Variants in WIPF2 observed in about 807,000 individuals in gnomAD.
WIPF2 encodes the protein WAS/WASL-interacting protein family member 2.
In WIPF2, 23 loss-of-function variants were observed where a neutral mutation model predicts 38.8. The ratio of observed to expected loss-of-function variants is 0.59; its 90% confidence interval spans 0.43 to 0.84. WIPF2 has a LOEUF of 0.84. Ranked by LOEUF, WIPF2 falls within the 40% of genes least tolerant of loss-of-function variation. The probability of loss-of-function intolerance (pLI) is 0.00; values close to 1 mark genes in which losing one functional copy is unlikely to be tolerated. For synonymous variants in WIPF2, 210 were observed against 223.2 expected, an observed-to-expected ratio of 0.94 and a Z score of 0.53; for missense variants, 574 against 580.5, an observed-to-expected ratio of 0.99 and a Z score of 0.11.
chr17:40,261,687 T>G (rs200173556), intron 3 of WIPF2, among the ~76,000 whole-genome samples: 4 of 140,980 alleles, frequency 2.8e-5, no homozygotes, highest in African/African-American at 5.6e-5. Flanking sequence ...TTTTGGTTTT[T>G]TTTGTTTTTT....
chr17:40,239,021 C>T (rs1473685420), intron 1 of WIPF2, among the ~76,000 whole-genome samples: 1 of 151,758 alleles, frequency 6.6e-6, no homozygotes, highest in Non-Finnish European at 1.5e-5. Flanking sequence ...GCTCATGCCA[C>T]TGTGTCTGGC....
At position 40,237,896 on chromosome 17, in the gene WIPF2, C is replaced by CAA. The variant is rs758183706; in HGVS notation, c.-70+18423_-70+18424dup. On this transcript the variant is annotated intron_variant, in intron 1 of 7. Transcript: ENST00000323571. The stretch of plus-strand genomic sequence containing the variant: ...CCTAACCCTGTCTCTACTAAAATAC[C>CAA]AAAAAAAAAAAAAAAAAAAATTAGC... Among the ~76,000 whole-genome samples the CAA allele has an allele frequency of 1.9e-3, 203 of 105,962 alleles. 3 individuals carry two copies. Among genetic ancestry groups the CAA allele is most frequent in the East Asian group, 2.6e-3 (10 of 3,868 alleles). The allele number at this position is 105,962 out of a possible 152,430, so 69.5% of individuals were successfully genotyped here.
chr17:40,230,325 G>A (rs1380963026), intron 1 of WIPF2, among the ~76,000 whole-genome samples: 1 of 152,120 alleles, frequency 6.6e-6, no homozygotes, highest in African/African-American at 2.4e-5. Flanking sequence ...CGGAGACAGA[G>A]TGAGACCCTG....
At chr17:40,245,919 G>A (rs2031346267) in intron 1 of WIPF2, among the ~76,000 whole-genome samples, 1 of 152,092 alleles carries the variant, frequency 6.6e-6, no homozygotes, top group South Asian at 2.1e-4. Flanking sequence ...AGTGCATTCA[G>A]CATATTAAAA....
At chr17:40,245,673 G>C (rs2031339826) in intron 1 of WIPF2, among the ~76,000 whole-genome samples, 1 of 152,102 alleles carries the variant, frequency 6.6e-6, no homozygotes, top group Non-Finnish European at 1.5e-5. Context: ...GTGGGCGGCT[G>C]TCTTATGCGT....
At chr17:40,233,559 A>G (rs113159813) in intron 1 of WIPF2, among the ~76,000 whole-genome samples, 6 of 151,956 alleles carry the variant, frequency 3.9e-5, no homozygotes, top group African/African-American at 1.5e-4. Flanking sequence ...CTTGGGCTCA[A>G]GCAGTCCTCC....
chr17:40,234,063 C>T (rs2030855721), intron 1 of WIPF2, among the ~76,000 whole-genome samples: 1 of 151,178 alleles, frequency 6.6e-6, no homozygotes, highest in African/African-American at 2.4e-5. Flanking sequence ...AACTCCATCT[C>T]AAAAAATAAT....
chr17:40,228,021 T>G (rs1378239004), intron 1 of WIPF2, among the ~76,000 whole-genome samples: 1 of 122,376 alleles, frequency 8.2e-6, no homozygotes, highest in Non-Finnish European at 1.7e-5. Flanking sequence ...TTTTTTTTTT[T>G]TTTTTTTTTT....
At chr17:40,270,092 G>A (rs760474554) in intron 5 of WIPF2, among the ~76,000 whole-genome samples, 100 of 151,782 alleles carry the variant, frequency 6.6e-4, no homozygotes, top group Non-Finnish European at 1.2e-3. Flanking sequence ...GGGGCCGGGT[G>A]CGGTGGCTCA....
intron 1 of WIPF2, chr17:40,220,609 A>ATATATATATG (rs1181786600): frequency 2.3e-5 from 2 of 85,388 alleles, no homozygotes; most frequent in Non-Finnish European, 4.4e-5. Context: ...ATATATATAT[A>ATATATATATG]TATATATATG....
At chr17:40,223,823 G>T (rs2030357516) in intron 1 of WIPF2, among the ~76,000 whole-genome samples, 1 of 151,976 alleles carries the variant, frequency 6.6e-6, no homozygotes, top group African/African-American at 2.4e-5. Flanking sequence ...CTGACCTTGT[G>T]ATCTGCCAGT....
At chr17:40,222,654 GTTT>G (rs58758484) in intron 1 of WIPF2, among the ~76,000 whole-genome samples, 72 of 52,772 alleles carry the variant, frequency 1.4e-3, no homozygotes, top group African/African-American at 3.1e-3. Context: ...TGCATATTCA[GTTT>G]TTTTTTTTTT....
rs1384860948 is a variant in WIPF2, at chr17:40,282,454, C to CGCACGCGTGTGCGTGT, written c.*4231_*4246dup. On this transcript the variant is annotated 3_prime_UTR_variant, in exon 8 of 8. Transcript: ENST00000323571. ...ATGACTAGAATGACACGTGTGCGTGCGCACGCGTGTGCGTGTGTGTGTTCA... is the reference window on the plus strand; with the variant it reads ...ATGACTAGAATGACACGTGTGCGTGCGCACGCGTGTGCGTGTGCACGCGTGTGCGTGTGTGTGTTCA... 3.3e-5 allele frequency: 5 copies of CGCACGCGTGTGCGTGT among 151,768 alleles called. No homozygotes were observed. Among genetic ancestry groups the CGCACGCGTGTGCGTGT allele is most frequent in the Non-Finnish European group, 5.9e-5 (4 of 68,036 alleles). 9.4% of individuals were successfully genotyped at this position (151,768 alleles called of 1,614,324 possible).
intron 1 of WIPF2, among the ~76,000 whole-genome samples, chr17:40,249,477 T>G (rs1454578909): frequency 6.6e-6 from 1 of 152,032 alleles, no homozygotes; most frequent in East Asian, 1.9e-4. Flanking sequence ...GAGATGGCTC[T>G]TCGCTCTTGT....
intron 1 of WIPF2, among the ~76,000 whole-genome samples, chr17:40,226,342 T>TA (rs2030486983): frequency 1.3e-5 from 2 of 151,894 alleles, no homozygotes; most frequent in African/African-American, 4.8e-5. Context: ...TAGCTGGGAT[T>TA]ACAGGCGCAC....
At chr17:40,277,739 T>TTTTTTTTTTTTTTTTTTTTTTTTTTG (rs1214706671) in intron 7 of WIPF2, among the ~76,000 whole-genome samples, 1 of 147,338 alleles carries the variant, frequency 6.8e-6, no homozygotes, top group African/African-American at 2.6e-5. Flanking sequence ...TTTTTTTTTT[T>TTTTTTTTTTTTTTTTTTTTTTTTTTG]TTTGAGATAG....
chr17:40,223,382 A>T (rs2030334607), intron 1 of WIPF2, among the ~76,000 whole-genome samples: 1 of 152,012 alleles, frequency 6.6e-6, no homozygotes, highest in Non-Finnish European at 1.5e-5. Flanking sequence ...CTCACACTTG[A>T]TACTAGAGTA....
chr17:40,232,074 G>A (rs1211661354), intron 1 of WIPF2, among the ~76,000 whole-genome samples: 1 of 145,954 alleles, frequency 6.9e-6, no homozygotes, highest in Non-Finnish European at 1.5e-5. Context: ...GTGCAGTGGT[G>A]TGATGTCTGC....
At chr17:40,276,932 G>C in intron 6 of WIPF2, 151 bp from the exon 7 acceptor site, 1 of 647,368 alleles carries the variant, frequency 1.5e-6, no homozygotes, top group Non-Finnish European at 2.7e-6. Context: ...TGCTGCTGCT[G>C]TTCTCAGGGT....
Sources: gnomAD v4.1 joint callset for allele counts (sites outside exome capture counted in the v4.1 genomes callset) on GRCh38, gnomAD v4.1.1 for gene constraint, MANE v1.5 for transcripts, NCBI Gene and HGNC (gene_info 2026-07-23, HGNC 2026-07-21) for gene names.